The following APLF variants were observed in gnomAD, a reference collection of about 807,000 sequenced individuals.
APLF encodes the protein aprataxin and PNKP like factor.
APLF carries 61 observed loss-of-function variants against 55.6 expected under a neutral mutation model. The ratio of observed to expected loss-of-function variants is 1.10; its 90% CI spans 0.89 to 1.36. APLF has a LOEUF of 1.36. Ranked by LOEUF, APLF falls within the 40% of genes most tolerant of loss-of-function variation. The probability of loss-of-function intolerance (pLI) is 0.00; values close to 1 mark genes in which losing one functional copy is unlikely to be tolerated. For missense variants in APLF, 611 were observed against 602.5 expected (o/e 1.01, Z -0.15); for synonymous variants, 207 against 214.8 (o/e 0.96, Z 0.32).
intron 6 of APLF, among the ~76,000 whole-genome samples, chr2:68,536,441 A>G (rs913892797): frequency 6.6e-6 from 1 of 152,190 alleles, no homozygotes; most frequent in Non-Finnish European, 1.5e-5. Context: ...TCCAGCATAC[A>G]TGAGTCTTTA....
chr2:68,503,004 A>C, intron 3 of APLF, 101 bp downstream of exon 3: 1 of 1,256,570 alleles, frequency 8.0e-7, no homozygotes. Context: ...ATTAAACTGG[A>C]GATAGAGTAG....
chr2:68,502,525 C>A (rs1676752918), intron 2 of APLF, among the ~76,000 whole-genome samples: 1 of 151,558 alleles, frequency 6.6e-6, no homozygotes, highest in African/African-American at 2.4e-5. Context: ...ACCATAGCTT[C>A]TTTTCTCTTT....
At chr2:68,549,075 G>A (rs1459597946) in intron 8 of APLF, among the ~76,000 whole-genome samples, 3 of 151,804 alleles carry the variant, frequency 2.0e-5, no homozygotes, top group Non-Finnish European at 4.4e-5. Context: ...TCCCTATAGT[G>A]TCATTTTTTT....
At chr2:68,546,914 AAAAGGAAAATGGATAAGGATTGC>A (rs1670723058) in intron 8 of APLF, among the ~76,000 whole-genome samples, 1 of 151,872 alleles carries the variant, frequency 6.6e-6, no homozygotes, top group Non-Finnish European at 1.5e-5. Context: ...CTAAGACAAG[AAAAGGAAAATGGATAAGGATTGC>A]AAAGGAAGAA....
intron 1 of APLF, among the ~76,000 whole-genome samples, chr2:68,480,586 G>A (rs1317946626): frequency 6.6e-6 from 1 of 151,932 alleles, no homozygotes; most frequent in Admixed American, 6.6e-5. Flanking sequence ...ACAGATGTGA[G>A]CTACCATGCC....
intron 5 of APLF, 66 bp downstream of exon 5, chr2:68,513,746 TGAA>T (rs1415917033): frequency 6.4e-7 from 1 of 1,559,462 alleles, no homozygotes; most frequent in African/African-American, 1.4e-5. Flanking sequence ...AAAGCTTTTC[TGAA>T]GAAAAACTAT....
At chr2:68,516,962 A>AATAAT (rs1378673799) in intron 5 of APLF, among the ~76,000 whole-genome samples, 49 of 125,572 alleles carry the variant, frequency 3.9e-4, no homozygotes, top group Middle Eastern at 3.8e-3. Flanking sequence ...TATAATATAT[A>AATAAT]ATAATATAAT....
rs140270781 is a variant in APLF, at chr2:68,502,856, C to T, written c.294C>T (p.Phe98=). Reference sequence around the variant, plus strand: ...CTTTGTTAGTTGACAAATACATTTTCCGCATTCTCTCTATACCCTCTGAAG... The same window carrying T: ...CTTTGTTAGTTGACAAATACATTTTTCGCATTCTCTCTATACCCTCTGAAG... ...SFSLLVDKYI[F]RILSIPSEVE... The change falls in exon 3 of 10, where the codon TTC becomes TTT. Residue 98 remains phenylalanine (F), a synonymous_variant. Transcript: ENST00000303795. 5.0e-6 allele frequency: 8 copies of T among 1,606,558 alleles called. No homozygotes were observed. The highest frequency in any genetic ancestry group is 4.0e-5 in the African/African-American group (3 of 74,396).
intron 7 of APLF, among the ~76,000 whole-genome samples, chr2:68,540,012 T>C (rs1573238943): frequency 6.6e-6 from 1 of 152,316 alleles, no homozygotes; most frequent in South Asian, 2.1e-4. Flanking sequence ...TTTTTCTTAT[T>C]ATACTCTGAG....
intron 8 of APLF, among the ~76,000 whole-genome samples, chr2:68,558,548 A>C (rs1671077455): frequency 1.3e-5 from 2 of 152,200 alleles, no homozygotes; most frequent in African/African-American, 4.8e-5. Context: ...TAGTATGTTC[A>C]TTTCTCCACT....
At chr2:68,476,057 T>C (rs1675762308) in intron 1 of APLF, among the ~76,000 whole-genome samples, 1 of 151,742 alleles carries the variant, frequency 6.6e-6, no homozygotes, top group Admixed American at 6.6e-5. Context: ...ACCATGAAAA[T>C]TTGAATTTGT....
chr2:68,518,829 A>G (rs371092988), intron 5 of APLF, among the ~76,000 whole-genome samples: 40 of 111,952 alleles, frequency 3.6e-4, no homozygotes, highest in South Asian at 5.2e-4. Flanking sequence ...TTAGTAATAT[A>G]TCATTAATAT....
At chr2:68,518,690 C>A (rs1380622481) in intron 5 of APLF, among the ~76,000 whole-genome samples, 1 of 107,852 alleles carries the variant, frequency 9.3e-6, no homozygotes, top group Non-Finnish European at 1.7e-5. Context: ...GAATATATAT[C>A]ATTAATATAT....
chr2:68,543,077 G>A, intron 7 of APLF, among the ~76,000 whole-genome samples: 1 of 152,154 alleles, frequency 6.6e-6, no homozygotes, highest in East Asian at 1.9e-4. Flanking sequence ...TCTACTTGTA[G>A]GAGGTATCTA....
intron 8 of APLF, among the ~76,000 whole-genome samples, chr2:68,566,041 A>G (rs1461018298): frequency 6.6e-6 from 1 of 152,022 alleles, no homozygotes; most frequent in Non-Finnish European, 1.5e-5. Context: ...TTTACATCCT[A>G]TGACTCATAG....
intron 8 of APLF, chr2:68,563,270 C>T (rs1671214481): frequency 1.0e-6 from 1 of 984,944 alleles, no homozygotes; most frequent in African/African-American, 1.7e-5. Context: ...ATGTACCTAA[C>T]ATTTTTTCCC....
At chr2:68,516,333 A>G (rs1001878509) in intron 5 of APLF, among the ~76,000 whole-genome samples, 1 of 151,408 alleles carries the variant, frequency 6.6e-6, no homozygotes, top group Non-Finnish European at 1.5e-5. Context: ...ATCATCTCTC[A>G]GTTTAACTCT....
Position 68,578,067 on chromosome 2 carries a change from T to C in APLF, c.*45T>C. ...TATCTGCCTTACATTTACTTTTTCT[T>C]TGTGGGAAAACATTTATGAACTAAG... is the stretch of plus-strand genomic sequence containing the variant. On this transcript the variant is annotated 3_prime_UTR_variant, in exon 10 of 10. Transcript: ENST00000303795. 1.9e-6 allele frequency: 3 copies of C among 1,574,052 alleles called. No individual in the cohort carries two copies. The highest frequency in any genetic ancestry group is 2.6e-6 in the Non-Finnish European group (3 of 1,161,540).
chr2:68,544,507 A>G (rs1670645209), intron 7 of APLF, among the ~76,000 whole-genome samples: 1 of 152,158 alleles, frequency 6.6e-6, no homozygotes, highest in Admixed American at 6.5e-5. Context: ...GTTAATAATT[A>G]TTTATGTTAA....
Sources: gnomAD v4.1 joint callset for allele counts (sites outside exome capture counted in the v4.1 genomes callset) on GRCh38, gnomAD v4.1.1 for gene constraint, MANE v1.5 for transcripts, NCBI Gene and HGNC (gene_info 2026-07-23, HGNC 2026-07-21) for gene names.